The following CCDC175 variants were observed in gnomAD, a reference collection of about 807,000 sequenced individuals.
CCDC175 encodes the protein coiled-coil domain-containing protein 175.
Under a neutral mutation model 114.6 loss-of-function variants are expected in CCDC175, and 100 were observed. That is an observed-to-expected ratio of 0.87 (90% CI 0.74 to 1.03). The LOEUF is 1.03. Ranked by LOEUF, CCDC175 falls within the 50% of genes least tolerant of loss-of-function variation. CCDC175 has a pLI of 0.00. For synonymous variants in CCDC175, 306 were observed against 308.7 expected, an observed-to-expected ratio of 0.99 and a Z score of 0.09; for missense variants, 880 against 917.8, an observed-to-expected ratio of 0.96 and a Z score of 0.53.
intron 4 of CCDC175, among the ~76,000 whole-genome samples, chr14:59,566,861 C>T (rs548359791): frequency 6.6e-6 from 1 of 152,332 alleles, no homozygotes; most frequent in South Asian, 2.1e-4. Flanking sequence ...ACACCTGCCA[C>T]CACCTTCTGT....
At chr14:59,509,616 A>G (rs897708285) in intron 19 of CCDC175, among the ~76,000 whole-genome samples, 1 of 152,142 alleles carries the variant, frequency 6.6e-6, no homozygotes, top group Non-Finnish European at 1.5e-5. Flanking sequence ...AGGCTCAAGC[A>G]ATTCTCCCAT....
chr14:59,508,027 C>T (rs1205026888), intron 19 of CCDC175, among the ~76,000 whole-genome samples: 1 of 152,098 alleles, frequency 6.6e-6, no homozygotes, highest in Non-Finnish European at 1.5e-5. Context: ...CTTGAAGTTA[C>T]CTATTGAGAA....
Position 59,553,790 on chromosome 14 carries a change from CA to C in CCDC175, c.954-2355del, listed in dbSNP as rs994708143. On this transcript the variant is annotated intron_variant, in intron 7 of 19. Transcript: ENST00000537690. ...GAAGATCTACCAAGCAAATGGAAAA[CA>C]AAAAAAAGGCAGGGGTTGCAATCCT... Among the ~76,000 whole-genome samples, 250 of 150,894 alleles carry C rather than the reference CA, an allele frequency of 1.7e-3. 2 individuals are homozygous for C. The highest frequency in any genetic ancestry group is 5.6e-3 in the African/African-American group (229 of 41,146).
chr14:59,545,290 T>C lies in CCDC175; in HGVS notation c.1045A>G (p.Thr349Ala), dbSNP rs1268837970. The C allele has an allele frequency of 2.0e-6, 3 of 1,536,394 alleles. No individual in the cohort carries two copies. In the South Asian group the frequency reaches 3.6e-5, roughly 18 times the overall value. The change falls in exon 9 of 20, where the codon ACA becomes GCA. Residue 349 changes from threonine (T) to alanine (A), a missense_variant. Transcript: ENST00000537690. Reference sequence around the variant, plus strand: ...TATTCCATACGAGCAGCATGCAGTGTTTCAACCAGCTAGAGAAAAACAAAG... The same window carrying C: ...TATTCCATACGAGCAGCATGCAGTGCTTCAACCAGCTAGAGAAAAACAAAG... ...FLNKIKQLVE[T>A]LHAARMEYKD...
chr14:59,567,813 C>T (rs1292323041), intron 4 of CCDC175, among the ~76,000 whole-genome samples: 1 of 152,168 alleles, frequency 6.6e-6, no homozygotes, highest in East Asian at 1.9e-4. Flanking sequence ...ATGAACTGAA[C>T]TAGATACAAT....
chr14:59,546,688 C>A (rs1266084681), intron 8 of CCDC175, among the ~76,000 whole-genome samples: 1 of 151,980 alleles, frequency 6.6e-6, no homozygotes. Flanking sequence ...ACATAAACCT[C>A]CCACTATTTT....
intron 7 of CCDC175, among the ~76,000 whole-genome samples, chr14:59,559,403 G>A (rs543537693): frequency 3.3e-5 from 5 of 152,202 alleles, no homozygotes; most frequent in East Asian, 1.9e-4. Flanking sequence ...TTGTCCAAAC[G>A]CACATGGAAT....
intron 13 of CCDC175, 58 bp downstream of exon 13, chr14:59,537,965 T>C: frequency 8.5e-7 from 1 of 1,181,324 alleles, no homozygotes; most frequent in Non-Finnish European, 1.2e-6. Context: ...GAAATATTAT[T>C]CCCCCTCCCC....
intron 11 of CCDC175, 81 bp downstream of exon 11, chr14:59,540,594 C>T: frequency 7.1e-7 from 1 of 1,400,946 alleles, no homozygotes; most frequent in African/African-American, 1.5e-5. Flanking sequence ...AACAAGTACT[C>T]TGCACTGTTC....
rs1022094841 is a variant in CCDC175, at chr14:59,540,740, T to C, written c.1290A>G (p.Thr430=). 6.5e-7 allele frequency: 1 copy of C among 1,535,044 alleles called. No individual in the cohort carries two copies. Among genetic ancestry groups the C allele is most frequent in the Non-Finnish European group, 8.7e-7 (1 of 1,146,240 alleles). Residue 430 remains threonine (T), a synonymous_variant, in exon 11 of 20, where the codon ACA becomes ACG. Transcript: ENST00000537690. The part of the protein sequence containing the change: ...LITLQELQQA[T]KTVYQQQIKI... Reference sequence around the variant, plus strand: ...TGATTTGTTGCTGATACACTGTTTTTGTTGCTCTAAAAAGAAAAACATATT... The same window carrying C: ...TGATTTGTTGCTGATACACTGTTTTCGTTGCTCTAAAAAGAAAAACATATT...
intron 17 of CCDC175, among the ~76,000 whole-genome samples, chr14:59,515,925 C>T (rs1009000747): frequency 2.0e-5 from 3 of 152,148 alleles, no homozygotes; most frequent in Non-Finnish European, 4.4e-5. Flanking sequence ...AACTAAAGCA[C>T]TCCTCAGCAA....
chr14:59,551,358 T>TA lies in CCDC175; in HGVS notation c.1031_1032insT (p.Lys344AsnfsTer5), dbSNP rs1204059211. The TA allele has an allele frequency of 2.2e-6, 3 of 1,357,270 alleles. No homozygotes were observed. Among genetic ancestry groups the TA allele is most frequent in the Non-Finnish European group, 3.0e-6 (3 of 1,011,696 alleles). The allele number at this position is 1,357,270 out of a possible 1,614,324, so 84.1% of individuals were successfully genotyped here. A position where few individuals can be genotyped will look rare whatever the true frequency, so the allele number is the denominator to read the frequency against. ...GTCATGACTTCTGCCTTCTTACCTG[T>TA]TTTATCTTGTTCAGGAATTCATTTT... On this transcript the variant is annotated frameshift_variant, in exon 8 of 20. Coordinates refer to ENST00000537690, the MANE Select transcript of CCDC175 (RefSeq NM_001164399.2). LOFTEE classifies it high-confidence loss of function.
Position 59,505,268 on chromosome 14 carries a change from A to G in CCDC175, c.2353T>C (p.Cys785Arg), listed in dbSNP as rs1359077824. 1 of 1,509,296 alleles carries G rather than the reference A, an allele frequency of 6.6e-7. No homozygotes were observed. The highest frequency in any genetic ancestry group is 8.9e-7 in the Non-Finnish European group (1 of 1,127,956). The allele number at this position is 1,509,296 out of a possible 1,614,324, so 93.5% of individuals were successfully genotyped here. Reference sequence around the variant, plus strand: ...TTTGTTAATGTATTTTTCTCAGTACATTTAACCACTGGGAAATGAACCCTT... The same window carrying G: ...TTTGTTAATGTATTTTTCTCAGTACGTTTAACCACTGGGAAATGAACCCTT... The part of the protein sequence containing the change: ...RTRVHFPVVK[C>R]TEKNTLTK Residue 785 changes from cysteine (C) to arginine (R), a missense_variant, in exon 20 of 20, where the codon TGT (cysteine) becomes CGT (arginine). Transcript: ENST00000537690.
chr14:59,539,298 C>G (rs1393333890), intron 11 of CCDC175, among the ~76,000 whole-genome samples: 1 of 152,218 alleles, frequency 6.6e-6, no homozygotes. Context: ...GCAATTAGGG[C>G]CAGGCGCAGT....
chr14:59,549,719 C>CAAAAAAAAAAAAA (rs370269871), intron 8 of CCDC175, among the ~76,000 whole-genome samples: 7 of 89,610 alleles, frequency 7.8e-5, no homozygotes, highest in Non-Finnish European at 1.3e-4. Context: ...GACTATGTCT[C>CAAAAAAAAAAAAA]AAAAAAAAAA....
chr14:59,538,619 A>G (rs1894556653), intron 12 of CCDC175, 86 bp downstream of exon 12: 1 of 1,131,008 alleles, frequency 8.8e-7, no homozygotes, highest in Admixed American at 3.2e-5. Context: ...ATACTTTTTA[A>G]TAAGATAGGA....
chr14:59,523,235 G>A (rs1452081313), intron 16 of CCDC175, among the ~76,000 whole-genome samples: 2 of 152,226 alleles, frequency 1.3e-5, no homozygotes, highest in Admixed American at 6.5e-5. Context: ...AAGGTGCATT[G>A]CATGTGTGAG....
chr14:59,575,365 T>C (rs563835106), intron 1 of CCDC175, among the ~76,000 whole-genome samples: 12 of 152,360 alleles, frequency 7.9e-5, no homozygotes, highest in African/African-American at 2.6e-4. Flanking sequence ...ACATAAGTAC[T>C]AGGGTTGCAT....
intron 11 of CCDC175, 86 bp from the exon 12 acceptor site, chr14:59,538,926 T>A: frequency 2.5e-6 from 3 of 1,222,204 alleles, no homozygotes; most frequent in Non-Finnish European, 3.3e-6. Context: ...AAACAAGTCA[T>A]ACTATGACTA....
Sources: gnomAD v4.1 joint callset for allele counts (sites outside exome capture counted in the v4.1 genomes callset) on GRCh38, gnomAD v4.1.1 for gene constraint, MANE v1.5 for transcripts, NCBI Gene and HGNC (gene_info 2026-07-23, HGNC 2026-07-21) for gene names.